Variants in TBXAS1 observed in about 807,000 individuals in gnomAD.
TBXAS1 encodes the protein thromboxane A synthase 1, also known as thromboxane-A synthase.
Under a neutral mutation model 60.7 loss-of-function variants are expected in TBXAS1, and 48 were observed. The ratio of observed to expected loss-of-function variants is 0.79; its 90% CI spans 0.63 to 1.01. The LOEUF is 1.01. TBXAS1 is among the 50% of genes least tolerant of loss of function. TBXAS1 has a pLI of 0.00. For missense variants in TBXAS1, 685 were observed against 686.3 expected, an observed-to-expected ratio of 1.00 and a Z score of 0.02; for synonymous variants, 287 against 269.7, an observed-to-expected ratio of 1.06 and a Z score of -0.63.
chr7:139,992,131 T>C (rs1454616882), intron 9 of TBXAS1, among the ~76,000 whole-genome samples: 2 of 152,208 alleles, frequency 1.3e-5, no homozygotes, highest in Admixed American at 6.5e-5. Context: ...TTGAGAGGCT[T>C]GGTGGGGACC....
In TBXAS1 at chr7:139,886,564, T is replaced by C. The variant is rs76896064; in HGVS notation, c.236+10927T>C. 5.1e-4 allele frequency among the ~76,000 whole-genome samples: 77 copies of C among 152,186 alleles called. 1 individual carries two copies. In the East Asian group the frequency reaches 0.014, roughly 28 times the overall value. ...TTGATACTACTTGGCCTACTGGAGA[T>C]GTGGGCATCCAGGATTGAATCAAAA... On this transcript the variant is annotated intron_variant, in intron 3 of 12. Transcript: ENST00000448866.
chr7:139,932,864 C>G (rs1443737597), intron 4 of TBXAS1, among the ~76,000 whole-genome samples: 1 of 152,098 alleles, frequency 6.6e-6, no homozygotes, highest in East Asian at 1.9e-4. Context: ...CAAGACCAGC[C>G]TGGTCAACAT....
In TBXAS1 at chr7:140,013,535, C is replaced by T. The variant is rs901228450; in HGVS notation, c.1227-2188C>T. On this transcript the variant is annotated intron_variant, in intron 10 of 12. Coordinates refer to ENST00000448866, the MANE Select transcript of TBXAS1 (RefSeq NM_001061.7). This position sits in a 1 kb window ranked among gnomAD's most constrained non-coding sequence, Gnocchi z 4.2. The stretch of plus-strand genomic sequence containing the variant: ...GATTCAATGGTGCTTTCTTGAGTCA[C>T]GGGTGTTGGTTGTAAGAAACTGGTG... 1.3e-5 allele frequency among the ~76,000 whole-genome samples: 2 copies of T among 152,136 alleles called. No homozygotes were observed. The highest frequency in any genetic ancestry group is 6.5e-5 in the Admixed American group (1 of 15,274).
At chr7:139,801,049 C>T (rs1023147571) in intron 4 of TBXAS1, among the ~76,000 whole-genome samples, 5 of 152,162 alleles carry the variant, frequency 3.3e-5, no homozygotes, top group Admixed American at 6.5e-5. Context: ...AAAATAATGC[C>T]GCTGGCATTT....
chr7:139,783,050 G>A (rs1242122541), intron 3 of TBXAS1, among the ~76,000 whole-genome samples: 2 of 152,146 alleles, frequency 1.3e-5, no homozygotes, highest in African/African-American at 4.8e-5. Flanking sequence ...TTAACTGAAA[G>A]CTTCAGTAAC....
intron 4 of TBXAS1, among the ~76,000 whole-genome samples, chr7:139,911,947 C>T (rs1458529547): frequency 6.6e-6 from 1 of 152,194 alleles, no homozygotes; most frequent in Non-Finnish European, 1.5e-5. Flanking sequence ...TGGCAGAGAT[C>T]AGGCCAGGCA....
chr7:139,970,238 C>G (rs1288489765), intron 9 of TBXAS1, among the ~76,000 whole-genome samples: 1 of 152,268 alleles, frequency 6.6e-6, no homozygotes, highest in African/African-American at 2.4e-5. Context: ...TCTCGAGTAG[C>G]TGGGATTACA....
At chr7:139,822,342 C>T (rs1798322006) in intron 4 of TBXAS1, among the ~76,000 whole-genome samples, 1 of 152,128 alleles carries the variant, frequency 6.6e-6, no homozygotes, top group Admixed American at 6.5e-5. Flanking sequence ...TAAGGCTGCT[C>T]TTCTTGGTGT....
At chr7:139,994,746 A>G (rs1813173697) in intron 9 of TBXAS1, among the ~76,000 whole-genome samples, 1 of 152,260 alleles carries the variant, frequency 6.6e-6, no homozygotes, top group Non-Finnish European at 1.5e-5. Flanking sequence ...CCAGGTCAAT[A>G]GAAGGATTTC....
rs574072991 is a variant in TBXAS1, at chr7:139,960,209, A to C, written c.820-1710A>C. ...GCTAGGATCCCAGTAGGCACCTTCC[A>C]AAGTCACAAGGCTGGGGTGCAGTAG... On this transcript the variant is annotated intron_variant, in intron 8 of 12. Coordinates refer to ENST00000448866, the MANE Select transcript of TBXAS1 (RefSeq NM_001061.7). Among the ~76,000 whole-genome samples, 18 of 152,300 alleles carry C rather than the reference A, an allele frequency of 1.2e-4. No homozygotes were observed. The South Asian group carries it at 2.3e-3, about 19-fold the overall frequency.
At chr7:139,932,985 A>C (rs935555644) in intron 4 of TBXAS1, among the ~76,000 whole-genome samples, 2 of 152,180 alleles carry the variant, frequency 1.3e-5, no homozygotes, top group African/African-American at 4.8e-5. Context: ...TGAGTCCAGA[A>C]GTTTGGGGTT....
chr7:139,882,797 C>T (rs537320513), intron 3 of TBXAS1, among the ~76,000 whole-genome samples: 2 of 152,212 alleles, frequency 1.3e-5, no homozygotes, highest in Admixed American at 1.3e-4. Flanking sequence ...CTGTGCATTG[C>T]CGTTCCCAAT....
intron 5 of TBXAS1, among the ~76,000 whole-genome samples, chr7:139,944,655 G>A (rs1808556641): frequency 6.6e-6 from 1 of 152,158 alleles, no homozygotes; most frequent in Non-Finnish European, 1.5e-5. Flanking sequence ...GTATGGGCAG[G>A]CTCCCAGGGG....
chr7:139,991,016 C>T (rs1030180440), intron 9 of TBXAS1, among the ~76,000 whole-genome samples: 18 of 152,284 alleles, frequency 1.2e-4, no homozygotes, highest in Admixed American at 9.8e-4. Flanking sequence ...AGATCCATGG[C>T]CAAAACAAAT....
chr7:140,004,138 G>T lies in TBXAS1; in HGVS notation c.1135-2953G>T, dbSNP rs1397294313. 6.6e-6 allele frequency among the ~76,000 whole-genome samples: 1 copy of T among 152,220 alleles called. No homozygotes were observed. Among genetic ancestry groups the T allele is most frequent in the African/African-American group, 2.4e-5 (1 of 41,442 alleles). On this transcript the variant is annotated intron_variant, in intron 9 of 12. Coordinates refer to ENST00000448866, the MANE Select transcript of TBXAS1 (RefSeq NM_001061.7). This position sits in a 1 kb window ranked among gnomAD's most constrained non-coding sequence, Gnocchi z 5.1. ...GAGAAAAACTTTTTTCTTTGTCCCAGATCGAAATTTCCAGACTGGCCCCTT... is the reference window on the plus strand; with the variant it reads ...GAGAAAAACTTTTTTCTTTGTCCCATATCGAAATTTCCAGACTGGCCCCTT...
chr7:139,961,025 T>A (rs1810292374), intron 8 of TBXAS1, among the ~76,000 whole-genome samples: 1 of 152,048 alleles, frequency 6.6e-6, no homozygotes, highest in Non-Finnish European at 1.5e-5. Flanking sequence ...ATAGAAACAC[T>A]CCTATTGTTA....
intron 4 of TBXAS1, among the ~76,000 whole-genome samples, chr7:139,917,105 C>G (rs1806048678): frequency 6.6e-6 from 1 of 152,196 alleles, no homozygotes; most frequent in Non-Finnish European, 1.5e-5. Flanking sequence ...ACCTTGCCAA[C>G]TTTTTTTAGC....
intron 4 of TBXAS1, among the ~76,000 whole-genome samples, chr7:139,817,515 G>C (rs957971747): frequency 3.3e-5 from 5 of 152,126 alleles, no homozygotes; most frequent in African/African-American, 1.2e-4. Flanking sequence ...GTAAAACCCC[G>C]ATAAGATAAG....
chr7:139,918,965 AT>A (rs8192831), intron 4 of TBXAS1, among the ~76,000 whole-genome samples: 22 of 149,786 alleles, frequency 1.5e-4, no homozygotes, highest in Admixed American at 2.7e-4. Context: ...CATTTTTGGT[AT>A]TTTTTTTTTA....
Sources: gnomAD v4.1 joint callset for allele counts (sites outside exome capture counted in the v4.1 genomes callset) on GRCh38, gnomAD v4.1.1 for gene constraint, Gnocchi (gnomAD v3.1) non-coding constraint, MANE v1.5 for transcripts, NCBI Gene and HGNC (gene_info 2026-07-23, HGNC 2026-07-21) for gene names.